The following SLIT3 variants were observed in gnomAD, a reference collection of about 807,000 sequenced individuals.
SLIT3 encodes slit homolog 3 protein.
A neutral mutation model predicts 184.0 loss-of-function variants in SLIT3; 68 were observed. That is an observed-to-expected ratio of 0.37 (90% CI 0.30 to 0.45). The LOEUF is 0.45. SLIT3 is among the 20% of genes least tolerant of loss of function. The pLI is 1.00. For synonymous variants in SLIT3, 831 were observed against 828.6 expected (o/e 1.00, Z -0.05); for missense variants, 1,707 against 2,026.0 (o/e 0.84, Z 3.02).
At chr5:169,002,112 G>A (rs1434964643) in intron 4 of SLIT3, among the ~76,000 whole-genome samples, 2 of 151,688 alleles carry the variant, frequency 1.3e-5, no homozygotes, top group East Asian at 1.9e-4. Flanking sequence ...TCAGGAGTTC[G>A]GGAACAGCCT....
intron 4 of SLIT3, among the ~76,000 whole-genome samples, chr5:168,924,666 C>T (rs562691240): frequency 1.3e-5 from 2 of 152,250 alleles, no homozygotes; most frequent in East Asian, 3.9e-4. Flanking sequence ...CATGCCACCA[C>T]ACCCTACTAA....
intron 20 of SLIT3, among the ~76,000 whole-genome samples, chr5:168,746,301 T>C (rs1763800741): frequency 7.3e-6 from 1 of 137,872 alleles, no homozygotes. Flanking sequence ...TATGTGGGTG[T>C]GGTGGTGTGG....
intron 12 of SLIT3, 48 bp downstream of exon 12, chr5:168,785,859 C>A (rs761104663): frequency 2.9e-6 from 4 of 1,367,760 alleles, no homozygotes; most frequent in African/African-American, 1.4e-5. Flanking sequence ...CAGGTGGGAG[C>A]CTTCCGACAG....
intron 33 of SLIT3, 31 bp downstream of exon 33, chr5:168,673,138 CCAGAGGGA>C (rs1191620965): frequency 6.2e-7 from 1 of 1,604,774 alleles, no homozygotes. Context: ...GCACAGAGGG[CCAGAGGGA>C]GGTAGAGGTG....
intron 4 of SLIT3, among the ~76,000 whole-genome samples, chr5:168,924,404 C>CT (rs1761740649): frequency 6.6e-6 from 1 of 152,142 alleles, no homozygotes; most frequent in Non-Finnish European, 1.5e-5. Context: ...TCAAACCCTT[C>CT]TTTTAGGAAA....
chr5:168,759,470 A>T (rs1271392601), intron 16 of SLIT3, among the ~76,000 whole-genome samples: 2 of 152,144 alleles, frequency 1.3e-5, no homozygotes, highest in Non-Finnish European at 2.9e-5. Context: ...GCCTTTGCAC[A>T]CTTAGGATGG....
chr5:169,173,978 A>G (rs1340803186), intron 4 of SLIT3, among the ~76,000 whole-genome samples: 1 of 152,206 alleles, frequency 6.6e-6, no homozygotes, highest in Non-Finnish European at 1.5e-5. Flanking sequence ...GGCTCAAGCC[A>G]GGCCCAACAG....
At chr5:169,054,278 G>T (rs1032894017) in intron 4 of SLIT3, among the ~76,000 whole-genome samples, 2 of 150,622 alleles carry the variant, frequency 1.3e-5, no homozygotes, top group Non-Finnish European at 3.0e-5. Context: ...GGATGATGCG[G>T]CCACAAACCA....
chr5:168,896,095 T>G (rs961301614), intron 4 of SLIT3, among the ~76,000 whole-genome samples: 1 of 152,196 alleles, frequency 6.6e-6, no homozygotes, highest in Non-Finnish European at 1.5e-5. Context: ...TCATCCCCTA[T>G]AGCCCAAGCC....
At chr5:169,150,516 T>TACACAC (rs58010997) in intron 4 of SLIT3, among the ~76,000 whole-genome samples, 8,979 of 145,394 alleles carry the variant, frequency 0.062, 335 homozygotes, top group East Asian at 0.13. Flanking sequence ...TTCACTCACA[T>TACACAC]ACACACACAC....
intron 6 of SLIT3, among the ~76,000 whole-genome samples, chr5:168,837,053 T>C (rs543802896): frequency 6.6e-6 from 1 of 152,328 alleles, no homozygotes; most frequent in Admixed American, 6.5e-5. Flanking sequence ...TCATGGAACC[T>C]GGAGTCTGGA....
intron 4 of SLIT3, among the ~76,000 whole-genome samples, chr5:168,911,194 A>G (rs1443951009): frequency 6.6e-6 from 1 of 152,212 alleles, no homozygotes; most frequent in African/African-American, 2.4e-5. Flanking sequence ...ATTTAAAAAC[A>G]CTTGTGAAGG....
chr5:169,205,025 G>A (rs1764024771), intron 3 of SLIT3, among the ~76,000 whole-genome samples: 1 of 152,188 alleles, frequency 6.6e-6, no homozygotes, highest in Non-Finnish European at 1.5e-5. Context: ...AACTATGATG[G>A]AGGAAGAGAG....
intron 6 of SLIT3, among the ~76,000 whole-genome samples, chr5:168,834,825 A>G (rs948358790): frequency 3.4e-5 from 5 of 148,908 alleles, no homozygotes; most frequent in African/African-American, 7.4e-5. Context: ...ATGGCTGGAG[A>G]GATTTGGAGC....
intron 16 of SLIT3, among the ~76,000 whole-genome samples, chr5:168,756,285 G>A (rs1754944835): frequency 6.6e-6 from 1 of 152,222 alleles, no homozygotes; most frequent in African/African-American, 2.4e-5. Flanking sequence ...CAATGCCAGG[G>A]GGCGAGAACT....
intron 4 of SLIT3, among the ~76,000 whole-genome samples, chr5:168,986,543 G>A (rs189421368): frequency 4.7e-4 from 71 of 152,172 alleles, no homozygotes; most frequent in African/African-American, 1.5e-3. Flanking sequence ...CAGTGTCCTC[G>A]TCCATCCCAC....
chr5:169,280,086 T>C (rs1056674539), intron 1 of SLIT3, among the ~76,000 whole-genome samples: 1 of 152,212 alleles, frequency 6.6e-6, no homozygotes, highest in Non-Finnish European at 1.5e-5. Context: ...CAAACTCAGG[T>C]CTTTCTGAGT....
chr5:169,274,597 G>C (rs1766738127), intron 1 of SLIT3, among the ~76,000 whole-genome samples: 1 of 152,186 alleles, frequency 6.6e-6, no homozygotes, highest in Non-Finnish European at 1.5e-5. Flanking sequence ...ACTGATTCAG[G>C]CATGACTGAT....
intron 3 of SLIT3, among the ~76,000 whole-genome samples, chr5:169,233,139 C>A (rs1765065232): frequency 6.6e-6 from 1 of 152,142 alleles, no homozygotes; most frequent in South Asian, 2.1e-4. Context: ...GATTCTCCTG[C>A]CTCAGCCTCC....
Sources: allele counts gnomAD v4.1 joint callset (sites outside exome capture counted in the v4.1 genomes callset), GRCh38; gene constraint gnomAD v4.1.1; transcripts MANE v1.5; gene names NCBI Gene and HGNC (gene_info 2026-07-23, HGNC 2026-07-21).